FAM171B: variants seen among roughly 807,000 people sequenced by gnomAD.
FAM171B encodes protein FAM171B.
FAM171B carries 19 observed loss-of-function variants against 75.6 expected under a neutral mutation model. The observed-to-expected ratio is 0.25, with a 90% CI of 0.18 to 0.37. The LOEUF (loss-of-function observed/expected upper bound fraction) is 0.37, where lower values mean the gene tolerates loss of function less well. Among genes scored for constraint, FAM171B ranks in the 10% least tolerant of loss-of-function variants. The pLI, the probability that FAM171B is intolerant of heterozygous loss-of-function variation, is 1.00. For missense variants in FAM171B, 848 were observed against 982.4 expected (o/e 0.86, Z 1.83); for synonymous variants, 367 against 361.7 (o/e 1.01, Z -0.17).
In FAM171B at chr2:186,694,195, G is replaced by T. The variant is rs780198046; in HGVS notation, c.22G>T (p.Val8Phe). The T allele has an allele frequency of 3.7e-6, 6 of 1,603,592 alleles. No individual in the cohort carries two copies. In the East Asian group the frequency reaches 1.3e-4, roughly 36 times the overall value. ...GGCCATGGCGAGGCTCTGCCGGCGT[G>T]TCCCCTGCACCCTGCTTCTCGGCCT... MARLCRR[V>F]PCTLLLGLAV... Residue 8 changes from valine to phenylalanine, a missense_variant, in exon 1 of 8, where the codon GTC becomes TTC. By Grantham distance (50) the Val-to-Phe change is conservative. Coordinates refer to ENST00000304698, the MANE Select transcript of FAM171B (RefSeq NM_177454.4).
chr2:186,705,735 C>G (rs1689724968), intron 1 of FAM171B, among the ~76,000 whole-genome samples: 2 of 152,096 alleles, frequency 1.3e-5, no homozygotes, highest in South Asian at 4.1e-4. Flanking sequence ...AATTAGCAAG[C>G]ATGACAGCCA....
intron 1 of FAM171B, among the ~76,000 whole-genome samples, chr2:186,704,432 G>A (rs563227981): frequency 3.3e-5 from 5 of 152,202 alleles, no homozygotes; most frequent in Middle Eastern, 3.4e-3. Flanking sequence ...GAACTAGAAG[G>A]AGGTAAAAAT....
At chr2:186,733,857 C>G (rs535877854) in intron 1 of FAM171B, among the ~76,000 whole-genome samples, 1 of 152,298 alleles carries the variant, frequency 6.6e-6, no homozygotes, top group East Asian at 1.9e-4. Context: ...CCAGGAACCA[C>G]AGAACCTCAA....
At position 186,751,221 on chromosome 2, in the gene FAM171B, T is replaced by C; in HGVS notation, c.812T>C (p.Ile271Thr). 1 of 1,612,078 alleles carries C rather than the reference T, an allele frequency of 6.2e-7. No individual in the cohort carries two copies. Among genetic ancestry groups the C allele is most frequent in the Non-Finnish European group, 8.5e-7 (1 of 1,178,654 alleles). Residue 271 changes from isoleucine to threonine, a missense_variant, in exon 5 of 8, where the codon ATT becomes ACT. Ile to Thr is a moderately conservative substitution (Grantham distance 89). Coordinates refer to ENST00000304698, the MANE Select transcript of FAM171B (RefSeq NM_177454.4). ...GGKELKVNGSIQVSLPLLRLN... is the reference protein window; with the variant it reads ...GGKELKVNGSTQVSLPLLRLN... The stretch of plus-strand genomic sequence containing the variant: ...AAAGAACTAAAGGTCAATGGCTCTA[T>C]TCAAGTTTCTCTTCCTCTTCTACGT...
chr2:186,741,803 C>G lies in FAM171B; in HGVS notation c.472+1342C>G, dbSNP rs552536939. Reference sequence around the variant, plus strand: ...TCTTCATAAACTTTGACCCAGTATTCACTTTATGAATCTGCACAAATAAAC... The same window carrying G: ...TCTTCATAAACTTTGACCCAGTATTGACTTTATGAATCTGCACAAATAAAC... On this transcript the variant is annotated intron_variant, in intron 2 of 7. Transcript: ENST00000304698. Among the ~76,000 whole-genome samples the G allele has an allele frequency of 1.6e-4, 24 of 152,054 alleles. No individual in the cohort carries two copies. The East Asian group carries it at 3.7e-3, about 24-fold the overall frequency.
chr2:186,704,999 C>T (rs189207794), intron 1 of FAM171B, among the ~76,000 whole-genome samples: 2 of 152,286 alleles, frequency 1.3e-5, no homozygotes, highest in East Asian at 3.9e-4. Flanking sequence ...CAAAGTGGGG[C>T]TTAGCCTGTG....
intron 1 of FAM171B, among the ~76,000 whole-genome samples, chr2:186,737,977 G>A (rs539656317): frequency 1.3e-5 from 2 of 152,290 alleles, no homozygotes; most frequent in East Asian, 1.9e-4. Flanking sequence ...GTGGCTCCAC[G>A]CTCAGCCTGT....
chr2:186,723,658 A>G (rs889784379), intron 1 of FAM171B, among the ~76,000 whole-genome samples: 3 of 152,220 alleles, frequency 2.0e-5, no homozygotes, highest in Non-Finnish European at 4.4e-5. Context: ...ACCTCAAAAG[A>G]ATTAGTATAT....
chr2:186,725,090 A>G (rs1690010917), intron 1 of FAM171B, among the ~76,000 whole-genome samples: 1 of 152,140 alleles, frequency 6.6e-6, no homozygotes. Flanking sequence ...CACGCCTGTA[A>G]TCCCATCACT....
chr2:186,739,505 CT>C (rs1240755323), intron 1 of FAM171B, among the ~76,000 whole-genome samples: 2 of 151,852 alleles, frequency 1.3e-5, no homozygotes, highest in East Asian at 1.9e-4. Context: ...ACTTTTTAAA[CT>C]TTTTTTGTTA....
chr2:186,743,387 C>A, intron 2 of FAM171B, 96 bp from the exon 3 acceptor site: 1 of 754,108 alleles, frequency 1.3e-6, no homozygotes, highest in Non-Finnish European at 2.2e-6. Flanking sequence ...CCCCCCACAA[C>A]ACACTTTTTG....
In FAM171B at chr2:186,761,889, C is replaced by G. The variant is rs1280441000; in HGVS notation, c.1547C>G (p.Thr516Arg). 6.8e-6 allele frequency: 11 copies of G among 1,613,026 alleles called. 1 individual carries two copies. Among genetic ancestry groups the G allele is most frequent in the Non-Finnish European group, 9.3e-6 (11 of 1,179,738 alleles). The change falls in exon 8 of 8, where the codon ACA (threonine) becomes AGA (arginine). Residue 516 changes from threonine (T) to arginine (R), a missense_variant. Thr to Arg is a moderately conservative substitution (Grantham distance 71). This residue lies in a region of FAM171B where 665 missense variants were observed against 729.0 expected (regional missense o/e 0.91). Transcript: ENST00000304698. Reference protein sequence around the residue: ...GDAQDEKRYLTGNEEAYGRSH... With the variant: ...GDAQDEKRYLRGNEEAYGRSH... ...GCTCAAGATGAAAAGAGGTATCTCA[C>G]AGGTAATGAGGAGGCGTATGGGCGT...
At chr2:186,760,263 G>C (rs1212819287) in intron 6 of FAM171B, among the ~76,000 whole-genome samples, 1 of 152,142 alleles carries the variant, frequency 6.6e-6, no homozygotes, top group Non-Finnish European at 1.5e-5. Context: ...CAGGAGGATA[G>C]TTGGTCAGTT....
At chr2:186,732,263 G>T (rs1388891108) in intron 1 of FAM171B, among the ~76,000 whole-genome samples, 1 of 152,092 alleles carries the variant, frequency 6.6e-6, no homozygotes, top group Non-Finnish European at 1.5e-5. Flanking sequence ...TGGCCAGGGG[G>T]TGCTTTTTCT....
intron 1 of FAM171B, among the ~76,000 whole-genome samples, chr2:186,728,376 A>G (rs1221926362): frequency 1.3e-5 from 2 of 152,204 alleles, no homozygotes; most frequent in Non-Finnish European, 2.9e-5. Flanking sequence ...TCCTCTCAGA[A>G]TTATACATCA....
At chr2:186,755,844 T>C (rs1274001120) in intron 6 of FAM171B, among the ~76,000 whole-genome samples, 1 of 152,226 alleles carries the variant, frequency 6.6e-6, no homozygotes, top group Non-Finnish European at 1.5e-5. Context: ...TATTTGAACT[T>C]AGTGCTTACA....
chr2:186,704,993 G>A (rs1689714459), intron 1 of FAM171B, among the ~76,000 whole-genome samples: 2 of 152,218 alleles, frequency 1.3e-5, no homozygotes, highest in African/African-American at 4.8e-5. Flanking sequence ...GAGCCCCAAA[G>A]TGGGGCTTAG....
rs1334164953 is a variant in FAM171B, at chr2:186,764,922, G to T, written c.*2099G>T. On this transcript the variant is annotated 3_prime_UTR_variant, in exon 8 of 8. Transcript: ENST00000304698. ...AGCTTGGTAATGAAATACACATATT[G>T]GTATAAGGGTATACCATTCAGGTAT... 1.3e-5 allele frequency: 2 copies of T among 151,738 alleles called. No homozygotes were observed. The highest frequency in any genetic ancestry group is 1.3e-4 in the Admixed American group (2 of 15,206). 9.4% of individuals were successfully genotyped at this position (151,738 alleles called of 1,614,324 possible).
chr2:186,729,924 T>C (rs1690089147), intron 1 of FAM171B, among the ~76,000 whole-genome samples: 1 of 152,152 alleles, frequency 6.6e-6, no homozygotes, highest in Non-Finnish European at 1.5e-5. Context: ...ATAACCTTAT[T>C]AGCTGTGCAG....
Sources: allele counts gnomAD v4.1 joint callset (sites outside exome capture counted in the v4.1 genomes callset), GRCh38; gene constraint gnomAD v4.1.1; regional missense constraint gnomAD v4.1.1; transcripts MANE v1.5; gene names NCBI Gene and HGNC (gene_info 2026-07-23, HGNC 2026-07-21).